The following BAHCC1 variants were observed in gnomAD, a reference collection of about 807,000 sequenced individuals.
The protein encoded by BAHCC1 is BAH domain and coiled-coil containing 1.
BAHCC1 carries 43 observed loss-of-function variants against 88.2 expected under a neutral mutation model. The observed-to-expected ratio is 0.49, with a 90% CI of 0.38 to 0.63. The LOEUF (loss-of-function observed/expected upper bound fraction) is 0.63. Ranked by LOEUF, BAHCC1 falls within the 20% of genes least tolerant of loss-of-function variation. The pLI is 0.00. For missense variants in BAHCC1, 3,023 were observed against 1,654.8 expected, an observed-to-expected ratio of 1.83 and a Z score of -14.34; for synonymous variants, 1,510 against 745.5, an observed-to-expected ratio of 2.03 and a Z score of -16.71.
intron 4 of BAHCC1, among the ~76,000 whole-genome samples, 158 bp downstream of exon 4, chr17:81,438,650 C>G (rs2064370930): frequency 6.6e-6 from 1 of 152,098 alleles, no homozygotes; most frequent in African/African-American, 2.4e-5. Context: ...GGTGGGCCTG[C>G]CCCTCAGGAT....
rs1555657368 is a variant in BAHCC1 at position 81,456,581 on chromosome 17, G to A, written c.4854G>A (p.Glu1618=). Residue 1618 remains glutamate (E), a synonymous_variant, in exon 16 of 28, where the codon GAG becomes GAA. Transcript: ENST00000675386. ...AGCCCTCCGTGGCTGCGTCCCAGGA[G>A]GCAGGCAAGTTGCTGGCGTGAGTGG... ...PAQPSVAASQ[E]AGSGYDSEDC... 2 of 701,218 alleles carry A rather than the reference G, an allele frequency of 2.9e-6. No individual in the cohort carries two copies. The highest frequency in any genetic ancestry group is 5.3e-6 in the Non-Finnish European group (2 of 379,496). The allele number at this position is 701,218 out of a possible 1,614,324, so 43.4% of individuals were successfully genotyped here.
Position 81,465,021 on chromosome 17 carries a change from G to C in BAHCC1, c.*1204G>C, listed in dbSNP as rs1184570214. The C allele has an allele frequency of 6.6e-6, 1 of 152,310 alleles. No individual in the cohort carries two copies. Among genetic ancestry groups the C allele is most frequent in the Non-Finnish European group, 1.5e-5 (1 of 68,120 alleles). 9.4% of individuals were successfully genotyped at this position (152,310 alleles called of 1,614,324 possible). On this transcript the variant is annotated 3_prime_UTR_variant, in exon 28 of 28. Transcript: ENST00000675386. ...CAGATTCTCTCCTCACCCCCAAGCAGAATGCATGCAAAAGACACCCCTTTT... is the reference window on the plus strand; with the variant it reads ...CAGATTCTCTCCTCACCCCCAAGCACAATGCATGCAAAAGACACCCCTTTT...
At chr17:81,423,039 C>T (rs2064133506) in intron 2 of BAHCC1, among the ~76,000 whole-genome samples, 1 of 152,182 alleles carries the variant, frequency 6.6e-6, no homozygotes, top group Non-Finnish European at 1.5e-5. Flanking sequence ...GCAGTCCCAG[C>T]CTTGTGGTCC....
chr17:81,445,544 C>G lies in BAHCC1; in HGVS notation c.3026C>G (p.Pro1009Arg), dbSNP rs1555654116. Residue 1009 changes from proline to arginine, a missense_variant, in exon 10 of 28, where the codon CCA becomes CGA. Coordinates refer to ENST00000675386, the MANE Select transcript of BAHCC1 (RefSeq NM_001377448.1). The part of the protein sequence containing the change: ...PKPPASSPTP[P>R]PRPSAPCTLN... ...CCCCCCGCCAGCTCCCCCACCCCAC[C>G]ACCTCGGCCCAGCGCCCCGTGCACT... 5 of 724,482 alleles carry G rather than the reference C, an allele frequency of 6.9e-6. No homozygotes were observed. Among genetic ancestry groups the G allele is most frequent in the Admixed American group, 5.8e-5 (3 of 51,294 alleles). The allele number at this position is 724,482 out of a possible 1,614,324, so 44.9% of individuals were successfully genotyped here. A position where few individuals can be genotyped will look rare whatever the true frequency, so the allele number is the denominator to read the frequency against.
At position 81,426,910 on chromosome 17, in the gene BAHCC1, C is replaced by A. The variant is rs1163534589; in HGVS notation, c.289C>A (p.Pro97Thr). The A allele has an allele frequency of 1.8e-5, 7 of 398,864 alleles. No homozygotes were observed. Among genetic ancestry groups the A allele is most frequent in the African/African-American group, 1.0e-4 (5 of 48,616 alleles). The allele number at this position is 398,864 out of a possible 1,614,324, so 24.7% of individuals were successfully genotyped here. The change falls in exon 3 of 28, where the codon CCC becomes ACC. Residue 97 changes from proline to threonine, a missense_variant. By Grantham distance (38) the Pro-to-Thr change is conservative. Coordinates refer to ENST00000675386, the MANE Select transcript of BAHCC1 (RefSeq NM_001377448.1). ...GCACCCCAGCGGCCCCAGCTCCTCC[C>A]CCCCTGAGCAGGCCTACCGTGGCTC... ...STHPSGPSSS[P>T]PEQAYRGSHP...
Position 81,445,248 on chromosome 17 carries a change from C to T in BAHCC1, c.2835+70C>T. ...AACCCTGCCTGGCCGGACCTGGCTC[C>T]AGGAGACCCCTGCATGCCTGGCCTC... On this transcript the variant is annotated intron_variant, in intron 9 of 27. Coordinates refer to ENST00000675386, the MANE Select transcript of BAHCC1 (RefSeq NM_001377448.1). 6.9e-6 allele frequency: 5 copies of T among 721,824 alleles called. No homozygotes were observed. The South Asian group carries it at 7.3e-5, about 11-fold the overall frequency. The allele number at this position is 721,824 out of a possible 1,614,324, so 44.7% of individuals were successfully genotyped here.
intron 2 of BAHCC1, among the ~76,000 whole-genome samples, chr17:81,405,789 A>G (rs571228436): frequency 6.6e-6 from 1 of 152,202 alleles, no homozygotes; most frequent in South Asian, 2.1e-4. Flanking sequence ...CCCATAACAA[A>G]TGGGACCTGT....
intron 2 of BAHCC1, among the ~76,000 whole-genome samples, chr17:81,423,890 C>T (rs1555649918): frequency 2.6e-5 from 4 of 152,258 alleles, no homozygotes; most frequent in African/African-American, 9.6e-5. Flanking sequence ...GGGCCTGGGG[C>T]GCTGGGGGCT....
In BAHCC1 at chr17:81,464,375, A is replaced by G. The variant is rs1598521805; in HGVS notation, c.*558A>G. 6.3e-6 allele frequency: 1 copy of G among 159,718 alleles called. No homozygotes were observed. Among genetic ancestry groups the G allele is most frequent in the South Asian group, 1.8e-4 (1 of 5,564 alleles). The allele number at this position is 159,718 out of a possible 1,614,324, so 9.9% of individuals were successfully genotyped here. ...CTGTTCTCAGCCCAGCTGGGTTCCA[A>G]CGGGGGCACCTGGGACGACAGAGGC... On this transcript the variant is annotated 3_prime_UTR_variant, in exon 28 of 28. Transcript: ENST00000675386.
At position 81,461,384 on chromosome 17, in the gene BAHCC1, C is replaced by T. The variant is rs1318066931; in HGVS notation, c.6721C>T (p.Leu2241=). The T allele has an allele frequency of 8.3e-6, 6 of 721,202 alleles. No individual in the cohort carries two copies. Among genetic ancestry groups the T allele is most frequent in the Non-Finnish European group, 1.5e-5 (6 of 391,820 alleles). The allele number at this position is 721,202 out of a possible 1,614,324, so 44.7% of individuals were successfully genotyped here. A position where few individuals can be genotyped will look rare whatever the true frequency, so the allele number is the denominator to read the frequency against. The part of the protein sequence containing the change: ...KDFSPKLGRP[L]PSPSYVHPAL... ...CTTCAGCCCCAAGCTCGGGCGGCCC[C>T]TGCCCAGCCCCAGCTATGTGCACCC... Residue 2241 remains leucine (L), a synonymous_variant, in exon 26 of 28, where the codon CTG becomes TTG. Coordinates refer to ENST00000675386, the MANE Select transcript of BAHCC1 (RefSeq NM_001377448.1).
rs782187436 is a variant in BAHCC1 at position 81,452,791 on chromosome 17, G to A, written c.4385G>A (p.Ser1462Asn). 1.6e-5 allele frequency: 12 copies of A among 741,330 alleles called. No homozygotes were observed. The highest frequency in any genetic ancestry group is 1.3e-4 in the South Asian group (9 of 69,524). The allele number at this position is 741,330 out of a possible 1,614,324, so 45.9% of individuals were successfully genotyped here. A position where few individuals can be genotyped will look rare whatever the true frequency, so the allele number is the denominator to read the frequency against. ...CGGCCGAGGAAGCGCAAACACTCAAGCTCGCTGCCTGCCCCACGTCCCACG... is the reference window on the plus strand; with the variant it reads ...CGGCCGAGGAAGCGCAAACACTCAAACTCGCTGCCTGCCCCACGTCCCACG... Reference protein sequence around the residue: ...PGRPRKRKHSSSLPAPRPTGP... With the variant: ...PGRPRKRKHSNSLPAPRPTGP... Residue 1462 changes from serine (S) to asparagine (N), a missense_variant, in exon 14 of 28, where the codon AGC becomes AAC. Physicochemically the swap from Ser to Asn is conservative, Grantham distance 46 (BLOSUM62 1). Coordinates refer to ENST00000675386, the MANE Select transcript of BAHCC1 (RefSeq NM_001377448.1).
At chr17:81,421,155 TG>T (rs1438253114) in intron 2 of BAHCC1, among the ~76,000 whole-genome samples, 1 of 152,252 alleles carries the variant, frequency 6.6e-6, no homozygotes, top group Non-Finnish European at 1.5e-5. Context: ...ACCCCCTCCC[TG>T]GCCCCCAGCT....
At chr17:81,440,388 G>A (rs868933319) in intron 4 of BAHCC1, among the ~76,000 whole-genome samples, 12 of 152,366 alleles carry the variant, frequency 7.9e-5, no homozygotes, top group South Asian at 4.1e-4. Flanking sequence ...TGGAAATGGA[G>A]CTAATTAGGT....
chr17:81,463,710 C>G lies in BAHCC1; in HGVS notation c.7720C>G (p.Arg2574Gly), dbSNP rs782411169. 8 of 779,406 alleles carry G rather than the reference C, an allele frequency of 1.0e-5. No homozygotes were observed. In the East Asian group the frequency reaches 1.9e-4, roughly 19 times the overall value. The allele number at this position is 779,406 out of a possible 1,614,324, so 48.3% of individuals were successfully genotyped here. A position where few individuals can be genotyped will look rare whatever the true frequency, so the allele number is the denominator to read the frequency against. ...VAREQYEQMA[R>G]SRKCQDRQDL... ...GCGCGAGCAGTATGAGCAGATGGCC[C>G]GGAGCCGCAAGTGCCAGGACCGGCA... Residue 2574 changes from arginine to glycine, a missense_variant, in exon 28 of 28, where the codon CGG becomes GGG. Arg to Gly is a moderately radical substitution (Grantham distance 125). Coordinates refer to ENST00000675386, the MANE Select transcript of BAHCC1 (RefSeq NM_001377448.1).
Position 81,465,600 on chromosome 17 carries a change from C to T in BAHCC1, c.*1783C>T, listed in dbSNP as rs549733539. 1 of 152,416 alleles carries T rather than the reference C, an allele frequency of 6.6e-6. No homozygotes were observed. The highest frequency in any genetic ancestry group is 2.1e-4 in the South Asian group (1 of 4,832). 9.4% of individuals were successfully genotyped at this position (152,416 alleles called of 1,614,324 possible). ...CACTGCTCTAGGACGAGCTCTGTGTCCCCCACACCACAGGCCTCGAAGCAG... is the reference window on the plus strand; with the variant it reads ...CACTGCTCTAGGACGAGCTCTGTGTTCCCCACACCACAGGCCTCGAAGCAG... On this transcript the variant is annotated 3_prime_UTR_variant, in exon 28 of 28. Coordinates refer to ENST00000675386, the MANE Select transcript of BAHCC1 (RefSeq NM_001377448.1).
chr17:81,399,551 C>T lies in BAHCC1; in HGVS notation c.-189C>T, dbSNP rs563071415. 94 of 384,688 alleles carry T rather than the reference C, an allele frequency of 2.4e-4. No homozygotes were observed. Among genetic ancestry groups the T allele is most frequent in the African/African-American group, 1.6e-3 (74 of 45,304 alleles). The allele number at this position is 384,688 out of a possible 1,614,324, so 23.8% of individuals were successfully genotyped here. A position where few individuals can be genotyped will look rare whatever the true frequency, so the allele number is the denominator to read the frequency against. ...CTCCACAGACCATGGACCCGCACAG[C>T]GGCCGCTGGCTCGGTGCGCGGCCGC... On this transcript the variant is annotated 5_prime_UTR_variant, in exon 2 of 28. Coordinates refer to ENST00000675386, the MANE Select transcript of BAHCC1 (RefSeq NM_001377448.1). The surrounding 1 kb of genome is among the most constrained non-coding windows in gnomAD (Gnocchi z 4.5).
chr17:81,461,538 T>C lies in BAHCC1; in HGVS notation c.6875T>C (p.Phe2292Ser), dbSNP rs2030272119. The C allele has an allele frequency of 4.1e-6, 3 of 732,940 alleles. No homozygotes were observed. The highest frequency in any genetic ancestry group is 7.6e-6 in the Non-Finnish European group (3 of 393,834). 45.4% of individuals were successfully genotyped at this position (732,940 alleles called of 1,614,324 possible). The change falls in exon 26 of 28, where the codon TTC (phenylalanine) becomes TCC (serine). Residue 2292 changes from phenylalanine to serine, a missense_variant. Coordinates refer to ENST00000675386, the MANE Select transcript of BAHCC1 (RefSeq NM_001377448.1). ...LPYDSDCHSS[F>S]SDEDEDGPGL... ...TACGACAGCGACTGCCACAGCTCCT[T>C]CTCGGACGAGGACGAGGACGGGCCG...
intron 1 of BAHCC1, among the ~76,000 whole-genome samples, chr17:81,397,943 T>C (rs1265495457): frequency 6.6e-6 from 1 of 152,280 alleles, no homozygotes; most frequent in Non-Finnish European, 1.5e-5. Flanking sequence ...ACATTATGTT[T>C]TCGGTTATAG....
chr17:81,442,321 A>T lies in BAHCC1; in HGVS notation c.972A>T (p.Ala324=). 1 of 676,336 alleles carries T rather than the reference A, an allele frequency of 1.5e-6. No homozygotes were observed. The highest frequency in any genetic ancestry group is 2.7e-6 in the Non-Finnish European group (1 of 371,844). The allele number at this position is 676,336 out of a possible 1,614,324, so 41.9% of individuals were successfully genotyped here. Residue 324 remains alanine, a synonymous_variant, in exon 5 of 28, where the codon GCA becomes GCT. Coordinates refer to ENST00000675386, the MANE Select transcript of BAHCC1 (RefSeq NM_001377448.1). ...VVTSGRCAKE[A]AGPPEPGPAF... is the part of the protein sequence containing the mutation. ...CCTCCGGGCGCTGTGCAAAGGAGGC[A>T]GCAGGCCCCCCGGAGCCCGGGCCGG...
Sources: allele counts gnomAD v4.1 joint callset (sites outside exome capture counted in the v4.1 genomes callset), GRCh38; gene constraint gnomAD v4.1.1; non-coding constraint Gnocchi (gnomAD v3.1); transcripts MANE v1.5; gene names NCBI Gene and HGNC (gene_info 2026-07-23, HGNC 2026-07-21).